Variants in ASIC2 observed in about 807,000 individuals in gnomAD.
ASIC2 encodes acid-sensing ion channel 2.
Under a neutral mutation model 57.3 loss-of-function variants are expected in ASIC2, and 25 were observed. That is an observed-to-expected ratio of 0.44 (90% CI 0.32 to 0.61). The LOEUF is 0.61. Among genes scored for constraint, ASIC2 ranks in the 20% least tolerant of loss-of-function variants. The probability of loss-of-function intolerance (pLI) is 0.06; values close to 1 mark genes in which losing one functional copy is unlikely to be tolerated. For synonymous variants in ASIC2, 319 were observed against 307.5 expected, an observed-to-expected ratio of 1.04 and a Z score of -0.39; for missense variants, 641 against 738.1, an observed-to-expected ratio of 0.87 and a Z score of 1.52.
chr17:34,139,255 A>C (rs1912206443), intron 1 of ASIC2, among the ~76,000 whole-genome samples: 1 of 152,228 alleles, frequency 6.6e-6, no homozygotes, highest in Non-Finnish European at 1.5e-5. Context: ...AGAAATTCTC[A>C]GTTTGGACCT....
intron 1 of ASIC2, among the ~76,000 whole-genome samples, chr17:33,700,472 G>A (rs755823724): frequency 2.6e-5 from 4 of 152,122 alleles, no homozygotes; most frequent in Non-Finnish European, 5.9e-5. Context: ...ACATGAAGAA[G>A]CAAGACACTG....
intron 1 of ASIC2, among the ~76,000 whole-genome samples, chr17:33,159,878 GT>G (rs1294645792): frequency 1.3e-5 from 2 of 152,194 alleles, no homozygotes; most frequent in African/African-American, 4.8e-5. Context: ...TGGTAAGACA[GT>G]TCACATAGCA....
At chr17:33,817,466 G>A (rs1177141614) in intron 1 of ASIC2, among the ~76,000 whole-genome samples, 1 of 152,106 alleles carries the variant, frequency 6.6e-6, no homozygotes, top group Non-Finnish European at 1.5e-5. Flanking sequence ...GCTGCCTTCT[G>A]CTTAGTCTTG....
At chr17:33,574,677 C>G (rs1333781413) in intron 1 of ASIC2, among the ~76,000 whole-genome samples, 1 of 152,204 alleles carries the variant, frequency 6.6e-6, no homozygotes, top group Admixed American at 6.5e-5. Flanking sequence ...CTTTATTTTT[C>G]ATAGATGTTA....
chr17:33,976,271 G>T (rs1466186775), intron 1 of ASIC2, among the ~76,000 whole-genome samples: 2 of 151,926 alleles, frequency 1.3e-5, no homozygotes, highest in Admixed American at 1.3e-4. Context: ...AGTGTTACTT[G>T]GTCTAATTCA....
At position 33,376,315 on chromosome 17, in the gene ASIC2, AT is replaced by A. The variant is rs1030293961; in HGVS notation, c.556-264249del. The stretch of plus-strand genomic sequence containing the variant: ...CTAATGGGGTGCTCCTTTGAATCAC[AT>A]TTTTTCCCCATCAAATTGTGTAAGT... On this transcript the variant is annotated intron_variant, in intron 1 of 9. Transcript: ENST00000359872. Among the ~76,000 whole-genome samples the A allele has an allele frequency of 6.6e-5, 10 of 151,938 alleles. No homozygotes were observed. The South Asian group carries it at 1.5e-3, about 22-fold the overall frequency.
At chr17:33,470,414 G>A (rs192940920) in intron 1 of ASIC2, among the ~76,000 whole-genome samples, 2 of 152,226 alleles carry the variant, frequency 1.3e-5, no homozygotes, top group African/African-American at 4.8e-5. Context: ...GAGCGTTTTT[G>A]GTTAAGAGCC....
chr17:33,921,545 C>T (rs756466541), intron 1 of ASIC2, among the ~76,000 whole-genome samples: 7 of 151,948 alleles, frequency 4.6e-5, no homozygotes, highest in Non-Finnish European at 5.9e-5. Context: ...GCAAGTGAGG[C>T]GTCCTGGAGG....
chr17:33,033,371 G>A (rs368974713), intron 3 of ASIC2, among the ~76,000 whole-genome samples: 2 of 152,128 alleles, frequency 1.3e-5, no homozygotes, highest in Non-Finnish European at 2.9e-5. Flanking sequence ...CTGCAACTGC[G>A]GCACCCACGG....
chr17:33,734,357 TC>T (rs1909846826), intron 1 of ASIC2, among the ~76,000 whole-genome samples: 1 of 152,066 alleles, frequency 6.6e-6, no homozygotes, highest in Admixed American at 6.5e-5. Flanking sequence ...GGTCGAACCT[TC>T]CTCCCGTGCT....
At chr17:33,071,752 G>T (rs1035428619) in intron 3 of ASIC2, among the ~76,000 whole-genome samples, 1 of 152,188 alleles carries the variant, frequency 6.6e-6, no homozygotes, top group Non-Finnish European at 1.5e-5. Context: ...GGTTTTGCTT[G>T]AAGATTTGTT....
chr17:33,033,579 G>C (rs907451811), intron 3 of ASIC2, among the ~76,000 whole-genome samples: 25 of 152,190 alleles, frequency 1.6e-4, no homozygotes, highest in African/African-American at 2.4e-5. Context: ...CTGCAGGCTG[G>C]TGGGTGACTC....
At chr17:33,762,132 C>T (rs1229341446) in intron 1 of ASIC2, among the ~76,000 whole-genome samples, 7 of 152,152 alleles carry the variant, frequency 4.6e-5, no homozygotes, top group Non-Finnish European at 1.0e-4. Context: ...TCAGCAGGTG[C>T]TGAGAATGGT....
intron 1 of ASIC2, among the ~76,000 whole-genome samples, chr17:34,133,589 T>A (rs1258193472): frequency 6.6e-6 from 1 of 152,246 alleles, no homozygotes; most frequent in Non-Finnish European, 1.5e-5. Flanking sequence ...GGTACTCACC[T>A]GGCTTGAGGA....
chr17:33,834,424 G>A (rs1249483732), intron 1 of ASIC2: 4 of 152,168 alleles, frequency 2.6e-5, no homozygotes, highest in Admixed American at 2.6e-4. Context: ...TAACGTCCAG[G>A]CCCAGCTGTT....
chr17:33,539,762 C>T (rs895065374), intron 1 of ASIC2, among the ~76,000 whole-genome samples: 6 of 152,236 alleles, frequency 3.9e-5, no homozygotes, highest in Admixed American at 3.9e-4. Context: ...TGCTGACCTT[C>T]GGGAGCTCAC....
Position 33,950,865 on chromosome 17 carries a change from C to T in ASIC2, c.555+205113G>A, listed in dbSNP as rs78888671. ...CTTTCTTTTTGGGAAAAAGCAAGTG[C>T]TGGCCTGCTGGCACCAGCTCAGTGG... On this transcript the variant is annotated intron_variant, in intron 1 of 9. Coordinates refer to the ASIC2 transcript ENST00000359872. Among the ~76,000 whole-genome samples the T allele has an allele frequency of 3.9e-3, 588 of 152,332 alleles. 4 individuals carry two copies. The highest frequency in any genetic ancestry group is 7.0e-3 in the Non-Finnish European group (478 of 68,044).
At chr17:33,702,662 C>T (rs756783223) in intron 1 of ASIC2, among the ~76,000 whole-genome samples, 1 of 152,196 alleles carries the variant, frequency 6.6e-6, no homozygotes, top group African/African-American at 2.4e-5. Flanking sequence ...AGCAGGGTTG[C>T]GAACTGGGGA....
chr17:33,110,019 G>C (rs775432956), intron 2 of ASIC2, among the ~76,000 whole-genome samples: 6 of 151,766 alleles, frequency 4.0e-5, no homozygotes, highest in Admixed American at 6.6e-5. Flanking sequence ...TCTGTGATGG[G>C]GGTCTGGTAC....
Sources: gnomAD v4.1 joint callset for allele counts (sites outside exome capture counted in the v4.1 genomes callset) on GRCh38, gnomAD v4.1.1 for gene constraint, MANE v1.5 for transcripts, NCBI Gene and HGNC (gene_info 2026-07-23, HGNC 2026-07-21) for gene names.